The following NKAIN2 variants were observed in gnomAD, a reference collection of about 807,000 sequenced individuals.
NKAIN2 encodes the protein sodium/potassium transporting ATPase interacting 2, also known as sodium/potassium-transporting ATPase subunit beta-1-interacting protein 2.
NKAIN2 carries 14 observed loss-of-function variants against 32.6 expected under a neutral mutation model. The observed-to-expected ratio is 0.43, with a 90% CI of 0.28 to 0.67. The LOEUF is 0.67. Among genes scored for constraint, NKAIN2 ranks in the 30% least tolerant of loss-of-function variants. The pLI is 0.17. For missense variants in NKAIN2, 198 were observed against 258.3 expected (o/e 0.77, Z 1.60); for synonymous variants, 80 against 87.2 (o/e 0.92, Z 0.46).
At chr6:124,658,603 TATC>T in intron 4 of NKAIN2, 1 of 1,157,368 alleles carries the variant, frequency 8.6e-7, no homozygotes. Context: ...TACCCTTTGT[TATC>T]ATCAGCATTT....
intron 3 of NKAIN2, among the ~76,000 whole-genome samples, chr6:124,649,234 G>C (rs1313023565): frequency 1.3e-5 from 2 of 151,956 alleles, no homozygotes; most frequent in Non-Finnish European, 2.9e-5. Context: ...AGGCCTTTAG[G>C]CTAAGAACAA....
chr6:124,331,379 A>AAAAAAAAAAAAAAAC (rs1797651235), intron 2 of NKAIN2, among the ~76,000 whole-genome samples: 1 of 126,738 alleles, frequency 7.9e-6, no homozygotes, highest in African/African-American at 2.8e-5. Context: ...AAAAAAAAAA[A>AAAAAAAAAAAAAAAC]CTAGCTGGGC....
At chr6:124,696,931 T>C (rs1378576748) in intron 4 of NKAIN2, among the ~76,000 whole-genome samples, 1 of 152,104 alleles carries the variant, frequency 6.6e-6, no homozygotes, top group Non-Finnish European at 1.5e-5. Flanking sequence ...ACAAGGTCAC[T>C]TGCGATTTAG....
intron 1 of NKAIN2, among the ~76,000 whole-genome samples, chr6:124,151,379 A>G (rs796693454): frequency 2.6e-5 from 4 of 152,162 alleles, no homozygotes; most frequent in African/African-American, 9.6e-5. Flanking sequence ...CAAGATTCAC[A>G]GTTATTTTAG....
At chr6:124,602,987 AAC>A (rs1378715975) in intron 3 of NKAIN2, among the ~76,000 whole-genome samples, 3 of 151,946 alleles carry the variant, frequency 2.0e-5, no homozygotes, top group Admixed American at 6.6e-5. Context: ...AATGACAAAA[AAC>A]ACAGTCATAA....
chr6:124,012,421 C>T (rs563574163), intron 1 of NKAIN2, among the ~76,000 whole-genome samples: 40 of 150,770 alleles, frequency 2.7e-4, no homozygotes, highest in African/African-American at 6.8e-4. Flanking sequence ...CTGCAAGCTC[C>T]GCCTCCCAGG....
At chr6:124,611,812 T>A (rs1020950874) in intron 3 of NKAIN2, among the ~76,000 whole-genome samples, 1 of 152,168 alleles carries the variant, frequency 6.6e-6, no homozygotes, top group African/African-American at 2.4e-5. Flanking sequence ...ATCGCTTAAG[T>A]GTGACTCCGC....
intron 1 of NKAIN2, among the ~76,000 whole-genome samples, chr6:124,149,069 T>C (rs1787569963): frequency 6.6e-6 from 1 of 152,192 alleles, no homozygotes; most frequent in Admixed American, 6.5e-5. Flanking sequence ...ATATTGATCA[T>C]TCTTTAACAT....
intron 5 of NKAIN2, among the ~76,000 whole-genome samples, chr6:124,809,271 G>A (rs1172654015): frequency 3.3e-5 from 5 of 150,804 alleles, no homozygotes; most frequent in Non-Finnish European, 5.9e-5. Flanking sequence ...CATGGTACTG[G>A]TACCAAAACA....
At chr6:124,331,221 G>A (rs963178232) in intron 2 of NKAIN2, among the ~76,000 whole-genome samples, 1 of 151,490 alleles carries the variant, frequency 6.6e-6, no homozygotes, top group Non-Finnish European at 1.5e-5. Flanking sequence ...ACAAAAATCG[G>A]CCGGGCACAG....
At chr6:124,039,391 T>C (rs558574687) in intron 1 of NKAIN2, among the ~76,000 whole-genome samples, 1 of 151,886 alleles carries the variant, frequency 6.6e-6, no homozygotes, top group African/African-American at 2.4e-5. Flanking sequence ...AAATGCGTTA[T>C]ATATATTTAT....
chr6:124,805,306 C>T (rs138615353), intron 5 of NKAIN2, among the ~76,000 whole-genome samples: 2 of 152,098 alleles, frequency 1.3e-5, no homozygotes, highest in Non-Finnish European at 2.9e-5. Flanking sequence ...TCCAGAGGAA[C>T]GATCAGACAG....
At chr6:123,852,977 A>C (rs141537133) in intron 1 of NKAIN2, among the ~76,000 whole-genome samples, 19 of 152,356 alleles carry the variant, frequency 1.2e-4, no homozygotes, top group Admixed American at 6.5e-4. Context: ...CATGTTTTAC[A>C]GATGCTAGTG....
chr6:124,057,657 T>G (rs1782722275), intron 1 of NKAIN2, among the ~76,000 whole-genome samples: 1 of 151,680 alleles, frequency 6.6e-6, no homozygotes, highest in Non-Finnish European at 1.5e-5. Context: ...TTTTAATCCA[T>G]CTGTACTATC....
rs551819725 is a variant in NKAIN2, at chr6:124,817,560, A to G, written c.536-827A>G. On this transcript the variant is annotated intron_variant, in intron 5 of 6. Coordinates refer to ENST00000368417, the MANE Select transcript of NKAIN2 (RefSeq NM_001040214.3). ...CAAGATAAAAGTGCATGACACTTTT[A>G]TGGTCTGACCTTAGAAGCCCCATAG... 2.0e-5 allele frequency among the ~76,000 whole-genome samples: 3 copies of G among 152,300 alleles called. No homozygotes were observed. In the East Asian group the frequency reaches 5.8e-4, roughly 29 times the overall value.
At chr6:124,307,968 T>G (rs1388259843) in intron 2 of NKAIN2, among the ~76,000 whole-genome samples, 1 of 152,188 alleles carries the variant, frequency 6.6e-6, no homozygotes, top group Non-Finnish European at 1.5e-5. Flanking sequence ...CATAACTTTC[T>G]TTAAAAAAAA....
chr6:124,304,570 G>A (rs1428126591), intron 2 of NKAIN2, among the ~76,000 whole-genome samples: 1 of 152,168 alleles, frequency 6.6e-6, no homozygotes, highest in Non-Finnish European at 1.5e-5. Flanking sequence ...AGAAATAAGC[G>A]AGTAGTGGTC....
At chr6:124,077,060 A>T (rs761694346) in intron 1 of NKAIN2, among the ~76,000 whole-genome samples, 1 of 152,344 alleles carries the variant, frequency 6.6e-6, no homozygotes, top group Admixed American at 6.5e-5. Context: ...TCGAAATAAC[A>T]GTAGTTACCA....
At chr6:123,888,527 T>C (rs1270293764) in intron 1 of NKAIN2, among the ~76,000 whole-genome samples, 4 of 152,174 alleles carry the variant, frequency 2.6e-5, no homozygotes, top group Non-Finnish European at 5.9e-5. Flanking sequence ...TCAGCCTCTG[T>C]TAATATTGTA....
Sources: allele counts gnomAD v4.1 joint callset (sites outside exome capture counted in the v4.1 genomes callset), GRCh38; gene constraint gnomAD v4.1.1; transcripts MANE v1.5; gene names NCBI Gene and HGNC (gene_info 2026-07-23, HGNC 2026-07-21).